TMTC1: variants seen among roughly 807,000 people sequenced by gnomAD.
The protein encoded by TMTC1 is transmembrane O-mannosyltransferase targeting cadherins 1, also known as protein O-mannosyl-transferase TMTC1.
In TMTC1, 73 loss-of-function variants were observed where a neutral mutation model predicts 104.8. The observed-to-expected ratio is 0.70, with a 90% CI of 0.58 to 0.85. The LOEUF is 0.85. TMTC1 is among the 40% of genes least tolerant of loss of function. The pLI is 0.00. For synonymous variants in TMTC1, 434 were observed against 428.7 expected (o/e 1.01, Z -0.15); for missense variants, 1,035 against 1,096.1 (o/e 0.94, Z 0.79).
chr12:29,603,570 C>T (rs1174936107), intron 7 of TMTC1, among the ~76,000 whole-genome samples: 1 of 152,026 alleles, frequency 6.6e-6, no homozygotes. Context: ...TTTCAAGCAT[C>T]TGAAAAGAAA....
At chr12:29,517,042 C>T (rs189366235) in intron 14 of TMTC1, among the ~76,000 whole-genome samples, 1 of 152,144 alleles carries the variant, frequency 6.6e-6, no homozygotes, top group Non-Finnish European at 1.5e-5. Context: ...AAAAATAACA[C>T]ACACTAATAA....
intron 7 of TMTC1, among the ~76,000 whole-genome samples, chr12:29,591,350 C>T: frequency 6.6e-6 from 1 of 152,140 alleles, no homozygotes; most frequent in East Asian, 1.9e-4. Context: ...ACATGCTTTC[C>T]TGGCCTTTGG....
Position 29,503,129 on chromosome 12 carries a change from C to A in TMTC1, c.*3717G>T, listed in dbSNP as rs1400363412. 6.6e-6 allele frequency: 1 copy of A among 152,174 alleles called. No homozygotes were observed. The highest frequency in any genetic ancestry group is 1.5e-5 in the Non-Finnish European group (1 of 68,022). 9.4% of individuals were successfully genotyped at this position (152,174 alleles called of 1,614,324 possible). The stretch of plus-strand genomic sequence containing the variant: ...GCACAACTGCTGCAAAACCCTGCAT[C>A]AAACTAGGTACCACCTATTACAAAT... On this transcript the variant is annotated 3_prime_UTR_variant, in exon 18 of 18. Transcript: ENST00000539277.
chr12:29,536,229 C>T lies in TMTC1; in HGVS notation c.1765G>A (p.Ala589Thr), dbSNP rs1280981055. ...PEFADAYSSL[A>T]SLLAEQERFK... ...ATTACCTGCTCAGCCAATAACGAAG[C>T]TAAGCTTGAATATGCATCTGCAAAC... Residue 589 changes from alanine (A) to threonine (T), a missense_variant, in exon 11 of 18, where the codon GCT becomes ACT. Physicochemically the swap from Ala to Thr is moderately conservative, Grantham distance 58. Transcript: ENST00000539277. 4 of 1,611,526 alleles carry T rather than the reference C, an allele frequency of 2.5e-6. No individual in the cohort carries two copies. The highest frequency in any genetic ancestry group is 3.4e-6 in the Non-Finnish European group (4 of 1,178,262).
rs534613317 is a variant in TMTC1 at position 29,753,927 on chromosome 12, C to T, written c.731+1782G>A. On this transcript the variant is annotated intron_variant, in intron 4 of 17. Coordinates refer to ENST00000539277, the MANE Select transcript of TMTC1 (RefSeq NM_001193451.2). ...CTGTCACCAGGCTGGAGTGCAGTAG[C>T]GCAGTCTTGGCTCACTGCAATGTCC... Among the ~76,000 whole-genome samples, 31 of 152,290 alleles carry T rather than the reference C, an allele frequency of 2.0e-4. No homozygotes were observed. In the South Asian group the frequency reaches 4.6e-3, roughly 22 times the overall value.
intron 11 of TMTC1, among the ~76,000 whole-genome samples, chr12:29,526,724 A>G (rs1174481918): frequency 1.3e-5 from 2 of 152,212 alleles, no homozygotes; most frequent in East Asian, 3.9e-4. Context: ...TAGAAAATGT[A>G]TCATAATTAA....
intron 5 of TMTC1, among the ~76,000 whole-genome samples, chr12:29,650,353 G>A (rs1275523533): frequency 1.3e-5 from 2 of 152,076 alleles, no homozygotes; most frequent in Admixed American, 6.5e-5. Flanking sequence ...CCAAAGTGCC[G>A]GGATTACAGG....
At chr12:29,631,620 C>T (rs1455433500) in intron 6 of TMTC1, among the ~76,000 whole-genome samples, 1 of 152,096 alleles carries the variant, frequency 6.6e-6, no homozygotes, top group Non-Finnish European at 1.5e-5. Flanking sequence ...TGAGTTTGAT[C>T]ACACACTCCT....
intron 5 of TMTC1, among the ~76,000 whole-genome samples, chr12:29,687,223 T>C (rs1427904999): frequency 1.3e-5 from 2 of 152,334 alleles, no homozygotes; most frequent in East Asian, 3.9e-4. Flanking sequence ...AGAAAACTGA[T>C]ACACTTTAAG....
intron 15 of TMTC1, among the ~76,000 whole-genome samples, chr12:29,515,672 G>A (rs1943963920): frequency 6.6e-6 from 1 of 151,802 alleles, no homozygotes; most frequent in Non-Finnish European, 1.5e-5. Context: ...CCTGGGCACA[G>A]CTATCACTCT....
intron 1 of TMTC1, among the ~76,000 whole-genome samples, chr12:29,775,221 A>AT (rs888367472): frequency 7.9e-5 from 12 of 151,502 alleles, no homozygotes; most frequent in African/African-American, 1.5e-4. Context: ...AATTTTTAGC[A>AT]TTTTTTTTTA....
chr12:29,699,185 T>C (rs1941509310), intron 5 of TMTC1, among the ~76,000 whole-genome samples: 1 of 152,166 alleles, frequency 6.6e-6, no homozygotes, highest in Non-Finnish European at 1.5e-5. Flanking sequence ...TAGAATTACA[T>C]AGGAGGATAG....
chr12:29,618,732 T>A (rs958216386), intron 6 of TMTC1, among the ~76,000 whole-genome samples: 1 of 152,154 alleles, frequency 6.6e-6, no homozygotes, highest in Admixed American at 6.5e-5. Flanking sequence ...GGGACTTGTT[T>A]TAGCTGCTTT....
intron 9 of TMTC1, among the ~76,000 whole-genome samples, chr12:29,562,119 A>G (rs1945392145): frequency 6.6e-6 from 1 of 152,208 alleles, no homozygotes; most frequent in Non-Finnish European, 1.5e-5. Context: ...ACTAAATTGC[A>G]CTTGAGTAAA....
At chr12:29,729,384 G>A (rs11050412) in intron 5 of TMTC1, among the ~76,000 whole-genome samples, 16,568 of 151,862 alleles carry the variant, frequency 0.11, 1,077 homozygotes, top group African/African-American at 0.18. Context: ...AAGGCCAGCC[G>A]TGTGGTCACA....
chr12:29,590,044 T>A (rs1408781669), intron 7 of TMTC1, among the ~76,000 whole-genome samples: 4 of 152,142 alleles, frequency 2.6e-5, no homozygotes, highest in African/African-American at 4.8e-5. Context: ...CACGCAGTCT[T>A]TGTCGTTAGC....
intron 6 of TMTC1, among the ~76,000 whole-genome samples, chr12:29,612,384 A>G (rs1946867501): frequency 6.6e-6 from 1 of 152,164 alleles, no homozygotes; most frequent in Non-Finnish European, 1.5e-5. Flanking sequence ...GAAAGGTTTG[A>G]AATGGTTCAT....
chr12:29,531,407 C>T (rs299446), intron 11 of TMTC1, among the ~76,000 whole-genome samples: 150,373 of 152,308 alleles, frequency 0.99, 74,265 homozygotes, highest in East Asian at 1. Flanking sequence ...TATTTCAAAG[C>T]ACATGAAGGA....
chr12:29,506,050 T>C lies in TMTC1; in HGVS notation c.*796A>G, dbSNP rs1201740765. The C allele has an allele frequency of 6.6e-6, 1 of 152,188 alleles. No homozygotes were observed. The highest frequency in any genetic ancestry group is 1.5e-5 in the Non-Finnish European group (1 of 68,024). 9.4% of individuals were successfully genotyped at this position (152,188 alleles called of 1,614,324 possible). Reference sequence around the variant, plus strand: ...TTTCTCCACCAAAATAACAATATATTTGCAGGCGGGAACATGTATGATTTT... The same window carrying C: ...TTTCTCCACCAAAATAACAATATATCTGCAGGCGGGAACATGTATGATTTT... On this transcript the variant is annotated 3_prime_UTR_variant, in exon 18 of 18. Transcript: ENST00000539277.
Sources: allele counts gnomAD v4.1 joint callset (sites outside exome capture counted in the v4.1 genomes callset), GRCh38; gene constraint gnomAD v4.1.1; transcripts MANE v1.5; gene names NCBI Gene and HGNC (gene_info 2026-07-23, HGNC 2026-07-21).